Variants in MYZAP observed in about 807,000 individuals in gnomAD.
MYZAP encodes myocardial zonula adherens protein.
MYZAP carries 66 observed loss-of-function variants against 69.4 expected under a neutral mutation model. That is an observed-to-expected ratio of 0.95 (90% CI 0.78 to 1.17). MYZAP has a LOEUF of 1.17. Among genes scored for constraint, MYZAP ranks in the 50% most tolerant of loss-of-function variants. The pLI is 0.00. For synonymous variants in MYZAP, 256 were observed against 205.9 expected (o/e 1.24, Z -2.09); for missense variants, 611 against 556.2 (o/e 1.10, Z -0.99).
rs1293301223 is a variant in MYZAP, at chr15:57,591,961, A to C, written c.-74A>C. On this transcript the variant is annotated 5_prime_UTR_variant, in exon 1 of 13. Transcript: ENST00000267853. ...GCGCCGTCCCGCGTCGCCCCCGCGCAGGGCGGGCCCCGCACGCTTATTCTG... is the reference window on the plus strand; with the variant it reads ...GCGCCGTCCCGCGTCGCCCCCGCGCCGGGCGGGCCCCGCACGCTTATTCTG... 2.4e-6 allele frequency: 3 copies of C among 1,227,218 alleles called. No individual in the cohort carries two copies. The highest frequency in any genetic ancestry group is 1.0e-6 in the Non-Finnish European group (1 of 978,434). The allele number at this position is 1,227,218 out of a possible 1,614,324, so 76.0% of individuals were successfully genotyped here.
At chr15:57,640,234 A>G (rs1352138026) in intron 10 of MYZAP, among the ~76,000 whole-genome samples, 3 of 152,210 alleles carry the variant, frequency 2.0e-5, no homozygotes, top group Non-Finnish European at 4.4e-5. Flanking sequence ...GTGTCAATAT[A>G]ATCCGCCTCT....
intron 11 of MYZAP, among the ~76,000 whole-genome samples, chr15:57,662,123 T>G (rs2038341287): frequency 6.6e-6 from 1 of 152,190 alleles, no homozygotes; most frequent in Non-Finnish European, 1.5e-5. Flanking sequence ...CTTTCTGGCT[T>G]TTTGAAAGTC....
chr15:57,633,560 G>A, intron 7 of MYZAP, 53 bp from the exon 8 acceptor site: 2 of 1,560,382 alleles, frequency 1.3e-6, no homozygotes, highest in Non-Finnish European at 1.7e-6. Flanking sequence ...GGATCCCGGT[G>A]AGTAGCCTCG....
intron 2 of MYZAP, among the ~76,000 whole-genome samples, chr15:57,616,357 T>C (rs1293216453): frequency 2.6e-5 from 4 of 152,014 alleles, no homozygotes; most frequent in Non-Finnish European, 5.9e-5. Context: ...ATACAAAAAT[T>C]GGCTGGGCGC....
intron 3 of MYZAP, 42 bp from the exon 4 acceptor site, chr15:57,621,566 T>C (rs747167606): frequency 2.5e-6 from 4 of 1,589,656 alleles, no homozygotes; most frequent in Non-Finnish European, 3.4e-6. Context: ...TGTATGAAAA[T>C]GTTATGGCTT....
intron 10 of MYZAP, among the ~76,000 whole-genome samples, chr15:57,649,164 T>C (rs2037601671): frequency 6.6e-6 from 1 of 152,240 alleles, no homozygotes; most frequent in South Asian, 2.1e-4. Flanking sequence ...TAGACATTTT[T>C]ATTCTTTTAC....
At chr15:57,610,193 G>C (rs1012373191) in intron 2 of MYZAP, among the ~76,000 whole-genome samples, 1 of 152,182 alleles carries the variant, frequency 6.6e-6, no homozygotes, top group African/African-American at 2.4e-5. Context: ...TTTCTCTCTA[G>C]ATCTTTGAGA....
chr15:57,632,385 T>C (rs1370424921), intron 6 of MYZAP, 49 bp from the exon 7 acceptor site: 23 of 1,611,156 alleles, frequency 1.4e-5, no homozygotes, highest in Non-Finnish European at 1.6e-5. Flanking sequence ...AGCTGCCAAT[T>C]CCTCTGGGCC....
At chr15:57,631,834 G>C (rs988714941) in intron 6 of MYZAP, among the ~76,000 whole-genome samples, 4 of 152,206 alleles carry the variant, frequency 2.6e-5, no homozygotes, top group Admixed American at 1.3e-4. Flanking sequence ...GGGGATGAGA[G>C]CAAACCTTCT....
In MYZAP at chr15:57,657,981, T is replaced by C. The variant is rs147539959; in HGVS notation, c.1120-3469T>C. On this transcript the variant is annotated intron_variant, in intron 10 of 12. Transcript: ENST00000267853. ...GGTAACCATTGCTGTTTTTAATTGG[T>C]GATGTCTTTAACTATTATTAACATT... Among the ~76,000 whole-genome samples, 1,024 of 152,320 alleles carry C rather than the reference T, an allele frequency of 6.7e-3. 6 individuals carry two copies. Among genetic ancestry groups the C allele is most frequent in the Non-Finnish European group, 9.4e-3 (641 of 68,020 alleles).
chr15:57,628,177 A>G (rs11629647), intron 5 of MYZAP, among the ~76,000 whole-genome samples: 15 of 152,214 alleles, frequency 9.9e-5, no homozygotes, highest in Non-Finnish European at 4.4e-5. Flanking sequence ...TGACTTTCCA[A>G]CGGCACAGAT....
intron 1 of MYZAP, among the ~76,000 whole-genome samples, chr15:57,603,693 C>T (rs1366480379): frequency 6.6e-6 from 1 of 152,160 alleles, no homozygotes; most frequent in Admixed American, 6.5e-5. Context: ...GGTAATATTC[C>T]ATTGTATGTA....
chr15:57,682,354 T>A (rs1398887668), intron 12 of MYZAP, among the ~76,000 whole-genome samples: 1 of 152,120 alleles, frequency 6.6e-6, no homozygotes, highest in Non-Finnish European at 1.5e-5. Flanking sequence ...AGCTGGGAAA[T>A]GTAGTTGAGT....
At position 57,639,492 on chromosome 15, in the gene MYZAP, C is replaced by T; in HGVS notation, c.1066C>T (p.Leu356=). Residue 356 remains leucine, a synonymous_variant, in exon 10 of 13, where the codon CTA becomes TTA. Coordinates refer to ENST00000267853, the MANE Select transcript of MYZAP (RefSeq NM_001018100.5). The stretch of plus-strand genomic sequence containing the variant: ...CAGCCTCCGTGAGCGGATCAGACAC[C>T]TAGATGACATGGTGCATTGCCAGCA... ...SASLRERIRH[L]DDMVHCQQKK... 6.2e-7 allele frequency: 1 copy of T among 1,614,066 alleles called. No individual in the cohort carries two copies. Among genetic ancestry groups the T allele is most frequent in the Non-Finnish European group, 8.5e-7 (1 of 1,179,998 alleles).
At chr15:57,654,615 G>A (rs763463101) in intron 10 of MYZAP, among the ~76,000 whole-genome samples, 92 of 152,108 alleles carry the variant, frequency 6.0e-4, no homozygotes, top group Non-Finnish European at 1.1e-3. Context: ...AGTTCAATAC[G>A]GAGTTATGTT....
chr15:57,639,559 A>G lies in MYZAP; in HGVS notation c.1119+14A>G. The G allele has an allele frequency of 6.2e-7, 1 of 1,611,742 alleles. No individual in the cohort carries two copies. The highest frequency in any genetic ancestry group is 2.2e-5 in the East Asian group (1 of 44,782). Reference sequence around the variant, plus strand: ...ATGGTCGAGGAGGTAAGCATCTGCAAAAGGTCACAGGCCTGGGATTGCTTC... The same window carrying G: ...ATGGTCGAGGAGGTAAGCATCTGCAGAAGGTCACAGGCCTGGGATTGCTTC... On this transcript the variant is annotated intron_variant, in intron 10 of 12. Transcript: ENST00000267853.
At chr15:57,672,031 T>C (rs756342294) in intron 11 of MYZAP, among the ~76,000 whole-genome samples, 22 of 152,230 alleles carry the variant, frequency 1.4e-4, no homozygotes, top group Non-Finnish European at 2.8e-4. Flanking sequence ...CCTGCCTGTC[T>C]GTGATGCTGA....
chr15:57,593,188 G>GCATGCGCGCGCGCGCGCGCACACACACA lies in MYZAP; in HGVS notation c.75+1081_75+1082insTGCGCGCGCGCGCGCGCACACACACACA. Among the ~76,000 whole-genome samples the GCATGCGCGCGCGCGCGCGCACACACACA allele has an allele frequency of 2.2e-3, 255 of 114,200 alleles. 12 individuals carry two copies. The East Asian group carries it at 0.044, about 20-fold the overall frequency. The allele number at this position is 114,200 out of a possible 152,430, so 74.9% of individuals were successfully genotyped here. A position where few individuals can be genotyped will look rare whatever the true frequency, so the allele number is the denominator to read the frequency against. ...AGACACTTAGGTTGTGTACACAGGCGCACACACACACACACACACACACAC... is the reference window on the plus strand; with the variant it reads ...AGACACTTAGGTTGTGTACACAGGCGCATGCGCGCGCGCGCGCGCACACACACACACACACACACACACACACACACAC... On this transcript the variant is annotated intron_variant, in intron 1 of 12. Transcript: ENST00000267853.
intron 1 of MYZAP, 51 bp downstream of exon 1, chr15:57,592,160 GC>G (rs1333438529): frequency 2.4e-6 from 3 of 1,271,212 alleles, no homozygotes; most frequent in East Asian, 6.4e-5. Context: ...CATCCCGGCC[GC>G]CCCCTCTAGA....
Sources: allele counts gnomAD v4.1 joint callset (sites outside exome capture counted in the v4.1 genomes callset), GRCh38; gene constraint gnomAD v4.1.1; transcripts MANE v1.5; gene names NCBI Gene and HGNC (gene_info 2026-07-23, HGNC 2026-07-21).